The following ATXN1 variants were observed in gnomAD, a reference collection of about 807,000 sequenced individuals.
ATXN1 encodes the protein ataxin-1.
In ATXN1, 8 loss-of-function variants were observed where a neutral mutation model predicts 56.4. The observed-to-expected ratio is 0.14, with a 90% CI of 0.08 to 0.26. The LOEUF is 0.26. Ranked by LOEUF, ATXN1 falls within the 10% of genes least tolerant of loss-of-function variation. The pLI, the probability that ATXN1 is intolerant of heterozygous loss-of-function variation, is 1.00. For synonymous variants in ATXN1, 514 were observed against 494.6 expected, an observed-to-expected ratio of 1.04 and a Z score of -0.52; for missense variants, 987 against 1,106.5, an observed-to-expected ratio of 0.89 and a Z score of 1.53.
chr6:16,624,254 G>C lies in ATXN1; in HGVS notation c.-489+33522C>G, dbSNP rs182595822. Among the ~76,000 whole-genome samples, 407 of 151,940 alleles carry C rather than the reference G, an allele frequency of 2.7e-3. 1 individual carries two copies. The highest frequency in any genetic ancestry group is 9.2e-3 in the African/African-American group (380 of 41,440). On this transcript the variant is annotated intron_variant, in intron 3 of 7. Coordinates refer to ENST00000436367, the MANE Select transcript of ATXN1 (RefSeq NM_001128164.2). Reference sequence around the variant, plus strand: ...TAATCCCAGCTACTTGGGAGGCTGGGGCAGGAGGATCACTTGAACCCAGGA... The same window carrying C: ...TAATCCCAGCTACTTGGGAGGCTGGCGCAGGAGGATCACTTGAACCCAGGA...
chr6:16,363,148 G>A (rs1332014727), intron 6 of ATXN1, among the ~76,000 whole-genome samples: 5 of 152,188 alleles, frequency 3.3e-5, no homozygotes, highest in African/African-American at 1.2e-4. Context: ...CTACATGTCA[G>A]TTGGCTGTTC....
intron 3 of ATXN1, among the ~76,000 whole-genome samples, chr6:16,654,976 A>C (rs1289429091): frequency 2.0e-5 from 3 of 152,234 alleles, no homozygotes; most frequent in Non-Finnish European, 4.4e-5. Context: ...TTGAAGGCAG[A>C]AAGCCAGCTG....
In ATXN1 at chr6:16,579,489, CCCCA is replaced by C. The variant is rs1283599813; in HGVS notation, c.-361+6287_-361+6290del. Among the ~76,000 whole-genome samples the C allele has an allele frequency of 3.1e-4, 12 of 39,158 alleles. 3 individuals carry two copies. The highest frequency in any genetic ancestry group is 9.8e-4 in the African/African-American group (10 of 10,190). The allele number at this position is 39,158 out of a possible 152,430, so 25.7% of individuals were successfully genotyped here. On this transcript the variant is annotated intron_variant, in intron 4 of 7. Coordinates refer to ENST00000436367, the MANE Select transcript of ATXN1 (RefSeq NM_001128164.2). ...GAGTACCTTGGTCAAAGCCCCCCCC[CCCCA>C]CCCGCCGATTCATTCCCAAGTCCAA... is the stretch of plus-strand genomic sequence containing the variant.
intron 2 of ATXN1, among the ~76,000 whole-genome samples, chr6:16,726,772 C>A (rs756165423): frequency 6.6e-6 from 1 of 152,056 alleles, no homozygotes; most frequent in Non-Finnish European, 1.5e-5. Context: ...GCAGAAGAAT[C>A]GCTTGAAGCC....
intron 4 of ATXN1, among the ~76,000 whole-genome samples, chr6:16,553,330 T>G (rs895065169): frequency 2.6e-5 from 4 of 152,160 alleles, no homozygotes; most frequent in African/African-American, 9.7e-5. Context: ...CTCTCTAAGG[T>G]AGATCTTGCT....
At chr6:16,348,724 G>A (rs78342281) in intron 6 of ATXN1, among the ~76,000 whole-genome samples, 442 of 152,132 alleles carry the variant, frequency 2.9e-3, no homozygotes, top group Non-Finnish European at 5.1e-3. Context: ...ATAGTAATAC[G>A]CCTTATTTCA....
chr6:16,575,930 A>T (rs1043094607), intron 4 of ATXN1, among the ~76,000 whole-genome samples: 1 of 152,170 alleles, frequency 6.6e-6, no homozygotes, highest in Admixed American at 6.5e-5. Context: ...ATTTCTAGAG[A>T]CACACGCCAT....
At chr6:16,373,339 C>T (rs1259190201) in intron 6 of ATXN1, among the ~76,000 whole-genome samples, 1 of 152,162 alleles carries the variant, frequency 6.6e-6, no homozygotes, top group Non-Finnish European at 1.5e-5. Context: ...TATTTTCTAT[C>T]TGCTTCACGG....
chr6:16,672,945 C>T (rs1374729092), intron 2 of ATXN1, among the ~76,000 whole-genome samples: 5 of 143,190 alleles, frequency 3.5e-5, no homozygotes, highest in Non-Finnish European at 6.0e-5. Flanking sequence ...ACCTTGGAGA[C>T]GGAGGTGGCA....
intron 6 of ATXN1, among the ~76,000 whole-genome samples, chr6:16,412,362 TTAC>T (rs1758816866): frequency 6.6e-6 from 1 of 152,132 alleles, no homozygotes; most frequent in Non-Finnish European, 1.5e-5. Flanking sequence ...ATCTAAAGGG[TTAC>T]TACTAGACTA....
chr6:16,348,651 T>TA (rs1761496094), intron 6 of ATXN1, among the ~76,000 whole-genome samples: 1 of 151,826 alleles, frequency 6.6e-6, no homozygotes, highest in Non-Finnish European at 1.5e-5. Flanking sequence ...ACCAAGATTG[T>TA]ACCATTGCAC....
intron 3 of ATXN1, among the ~76,000 whole-genome samples, chr6:16,630,907 T>A (rs746961845): frequency 3.9e-5 from 6 of 152,192 alleles, no homozygotes; most frequent in Non-Finnish European, 5.9e-5. Context: ...CTGCCAGAAA[T>A]GTACCCAGTA....
At chr6:16,500,326 A>G (rs1760858853) in intron 5 of ATXN1, among the ~76,000 whole-genome samples, 1 of 152,194 alleles carries the variant, frequency 6.6e-6, no homozygotes, top group South Asian at 2.1e-4. Flanking sequence ...AAGTGGCAGA[A>G]AATTGATTTT....
chr6:16,578,938 T>C (rs1762474759), intron 4 of ATXN1, among the ~76,000 whole-genome samples: 2 of 152,216 alleles, frequency 1.3e-5, no homozygotes, highest in South Asian at 4.1e-4. Flanking sequence ...CCCATCTTAT[T>C]GCCCAATTCC....
rs534123020 is a variant in ATXN1 at position 16,406,278 on chromosome 6, A to G, written c.-160-77808T>C. Among the ~76,000 whole-genome samples the G allele has an allele frequency of 2.0e-5, 3 of 152,362 alleles. No homozygotes were observed. The South Asian group carries it at 6.2e-4, about 32-fold the overall frequency. On this transcript the variant is annotated intron_variant, in intron 6 of 7. Transcript: ENST00000436367. The stretch of plus-strand genomic sequence containing the variant: ...CTCTAAATTAATCATACCAAGGAGA[A>G]CCCAAGTTAAATAATTTTTTCAAGA...
intron 6 of ATXN1, among the ~76,000 whole-genome samples, chr6:16,360,610 TC>T (rs1761788635): frequency 1.3e-5 from 2 of 152,200 alleles, no homozygotes; most frequent in Admixed American, 1.3e-4. Flanking sequence ...AAAACACTGT[TC>T]CTCTTGTTTG....
intron 4 of ATXN1, among the ~76,000 whole-genome samples, chr6:16,575,173 T>TA (rs1301325044): frequency 2.0e-5 from 3 of 152,202 alleles, no homozygotes; most frequent in Admixed American, 2.0e-4. Context: ...TTTCTCCTTG[T>TA]AATTACTAAA....
chr6:16,612,600 T>C (rs917207387), intron 3 of ATXN1, among the ~76,000 whole-genome samples: 3 of 152,014 alleles, frequency 2.0e-5, no homozygotes, highest in African/African-American at 7.2e-5. Context: ...CTCAATAAAT[T>C]AGAAAAGGGG....
chr6:16,647,217 G>A (rs1221340617), intron 3 of ATXN1, among the ~76,000 whole-genome samples: 1 of 152,016 alleles, frequency 6.6e-6, no homozygotes, highest in Non-Finnish European at 1.5e-5. Context: ...ATTGGCCAGG[G>A]TGGTCTTAAC....
Sources: gnomAD v4.1 joint callset for allele counts (sites outside exome capture counted in the v4.1 genomes callset) on GRCh38, gnomAD v4.1.1 for gene constraint, MANE v1.5 for transcripts, NCBI Gene and HGNC (gene_info 2026-07-23, HGNC 2026-07-21) for gene names.